TNS3: variants seen among roughly 807,000 people sequenced by gnomAD.
TNS3 encodes the protein tensin-3.
In TNS3, 45 loss-of-function variants were observed where a neutral mutation model predicts 140.9. That is an observed-to-expected ratio of 0.32 (90% CI 0.25 to 0.41). The LOEUF (loss-of-function observed/expected upper bound fraction) is 0.41, where lower values mean the gene tolerates loss of function less well. Ranked by LOEUF, TNS3 falls within the 10% of genes least tolerant of loss-of-function variation. The probability of loss-of-function intolerance (pLI) is 1.00; values close to 1 mark genes in which losing one functional copy is unlikely to be tolerated. For missense variants in TNS3, 1,716 were observed against 1,906.7 expected, an observed-to-expected ratio of 0.90 and a Z score of 1.86; for synonymous variants, 815 against 788.4, an observed-to-expected ratio of 1.03 and a Z score of -0.56.
chr7:47,332,773 A>C (rs74622539), intron 20 of TNS3, among the ~76,000 whole-genome samples: 1 of 152,184 alleles, frequency 6.6e-6, no homozygotes, highest in African/African-American at 2.4e-5. Flanking sequence ...GATTTAAAAG[A>C]TGCTTTCAGA....
At chr7:47,564,647 A>AAC (rs748012468) in intron 1 of TNS3, among the ~76,000 whole-genome samples, 32,371 of 70,140 alleles carry the variant, frequency 0.46, 5,596 homozygotes, top group East Asian at 0.65. Flanking sequence ...AAAAAAAAAA[A>AAC]AACAAAAAAA....
At chr7:47,336,696 C>T (rs1788651178) in intron 20 of TNS3, among the ~76,000 whole-genome samples, 1 of 152,124 alleles carries the variant, frequency 6.6e-6, no homozygotes, top group Non-Finnish European at 1.5e-5. Flanking sequence ...ACATTGCATG[C>T]CTGTATCAAA....
intron 4 of TNS3, among the ~76,000 whole-genome samples, chr7:47,463,425 C>CA (rs1796571819): frequency 6.6e-6 from 1 of 152,106 alleles, no homozygotes; most frequent in Non-Finnish European, 1.5e-5. Flanking sequence ...GCCTGGGTGA[C>CA]AAAGAGAGAC....
intron 12 of TNS3, among the ~76,000 whole-genome samples, chr7:47,412,011 G>A (rs1793801138): frequency 6.6e-6 from 1 of 152,136 alleles, no homozygotes; most frequent in African/African-American, 2.4e-5. Flanking sequence ...CATCATCATG[G>A]TCAGTGACTG....
intron 1 of TNS3, among the ~76,000 whole-genome samples, chr7:47,552,493 G>T (rs892277837): frequency 1.3e-5 from 2 of 152,054 alleles, no homozygotes; most frequent in African/African-American, 2.4e-5. Context: ...CTCACTTCTG[G>T]TCCCTGTGTC....
intron 1 of TNS3, among the ~76,000 whole-genome samples, chr7:47,555,219 G>C (rs1380935076): frequency 6.6e-6 from 1 of 151,026 alleles, no homozygotes. Flanking sequence ...TGGCCAACAC[G>C]GTGAAACCCT....
rs139449183 is a variant in TNS3 at position 47,311,453 on chromosome 7, T to G, written c.2651-6450A>C. ...GTGTGTGTGTGTATACATATATATA[T>G]AGAGAGAGAGAGAGAAAGAGAGAAT... On this transcript the variant is annotated intron_variant, in intron 20 of 30. Coordinates refer to ENST00000311160, the MANE Select transcript of TNS3 (RefSeq NM_022748.12). 9.3e-3 allele frequency among the ~76,000 whole-genome samples: 1,396 copies of G among 149,766 alleles called. 7 individuals are homozygous for G. The highest frequency in any genetic ancestry group is 0.024 in the Middle Eastern group (7 of 294).
At chr7:47,546,518 C>T (rs2151974493) in intron 1 of TNS3, among the ~76,000 whole-genome samples, 1 of 152,282 alleles carries the variant, frequency 6.6e-6, no homozygotes, top group Middle Eastern at 3.4e-3. Flanking sequence ...GAGCCTGTGG[C>T]AATTTCTACA....
intron 1 of TNS3, among the ~76,000 whole-genome samples, chr7:47,570,490 G>A (rs986152837): frequency 3.3e-5 from 5 of 152,232 alleles, no homozygotes; most frequent in African/African-American, 1.2e-4. Flanking sequence ...TGTAAGATGA[G>A]TTGTAAATGG....
chr7:47,450,963 G>A (rs917584052), intron 4 of TNS3, among the ~76,000 whole-genome samples: 4 of 152,110 alleles, frequency 2.6e-5, no homozygotes, highest in South Asian at 4.2e-4. Flanking sequence ...ATGAAACCCC[G>A]TCTCTACTAA....
intron 4 of TNS3, among the ~76,000 whole-genome samples, chr7:47,480,265 G>C (rs1797366952): frequency 6.6e-6 from 1 of 152,186 alleles, no homozygotes; most frequent in Non-Finnish European, 1.5e-5. Context: ...AGAAGTACAG[G>C]GAACAACACA....
intron 3 of TNS3, chr7:47,481,710 C>A (rs1797426665): frequency 1.0e-6 from 1 of 985,300 alleles, no homozygotes; most frequent in Non-Finnish European, 1.2e-6. Context: ...CCACCATAGT[C>A]TCTGAAGACC....
chr7:47,363,705 C>G (rs976288396), intron 17 of TNS3, among the ~76,000 whole-genome samples: 4 of 152,162 alleles, frequency 2.6e-5, no homozygotes, highest in Non-Finnish European at 5.9e-5. Context: ...AACTTCCAGT[C>G]TATGGTTTCC....
chr7:47,516,099 A>G (rs1798769266), intron 2 of TNS3, among the ~76,000 whole-genome samples: 1 of 152,248 alleles, frequency 6.6e-6, no homozygotes, highest in South Asian at 2.1e-4. Context: ...TCCAGGTAGC[A>G]TGTACACAAA....
intron 16 of TNS3, among the ~76,000 whole-genome samples, chr7:47,374,425 C>T (rs1208215424): frequency 6.6e-6 from 1 of 152,210 alleles, no homozygotes; most frequent in Non-Finnish European, 1.5e-5. Context: ...TGTCTTCTGA[C>T]CTCTGTATCG....
At chr7:47,480,579 T>C (rs1442416611) in intron 4 of TNS3, among the ~76,000 whole-genome samples, 1 of 152,212 alleles carries the variant, frequency 6.6e-6, no homozygotes, top group Non-Finnish European at 1.5e-5. Context: ...GAGCTGCATT[T>C]GAAAAGCAGA....
At chr7:47,278,971 AG>A (rs1281163743) in intron 30 of TNS3, 1 of 152,202 alleles carries the variant, frequency 6.6e-6, no homozygotes, top group Non-Finnish European at 1.5e-5. Context: ...CGCATCATGA[AG>A]GGACCAGTCA....
chr7:47,412,550 G>A (rs1189583514), intron 12 of TNS3, among the ~76,000 whole-genome samples: 2 of 152,134 alleles, frequency 1.3e-5, no homozygotes, highest in African/African-American at 4.8e-5. Flanking sequence ...CCTAGGAAGT[G>A]GAGGTTGCAG....
intron 7 of TNS3, 149 bp downstream of exon 7, chr7:47,437,114 A>T (rs968926477): frequency 1.4e-5 from 7 of 501,478 alleles, no homozygotes; most frequent in Non-Finnish European, 2.1e-5. Flanking sequence ...CAAACTGAAA[A>T]AAAAGTAATT....
Sources: allele counts gnomAD v4.1 joint callset (sites outside exome capture counted in the v4.1 genomes callset), GRCh38; gene constraint gnomAD v4.1.1; transcripts MANE v1.5; gene names NCBI Gene and HGNC (gene_info 2026-07-23, HGNC 2026-07-21).